Variants in MFHAS1 observed in about 807,000 individuals in gnomAD.
MFHAS1 encodes the protein malignant fibrous histiocytoma-amplified sequence 1.
MFHAS1 carries 50 observed loss-of-function variants against 70.4 expected under a neutral mutation model. That is an observed-to-expected ratio of 0.71 (90% CI 0.57 to 0.90). MFHAS1 has a LOEUF of 0.90. MFHAS1 is among the 40% of genes least tolerant of loss of function. The pLI, the probability that MFHAS1 is intolerant of heterozygous loss-of-function variation, is 0.00. For missense variants in MFHAS1, 1,795 were observed against 1,347.6 expected, an observed-to-expected ratio of 1.33 and a Z score of -5.20; for synonymous variants, 952 against 620.0, an observed-to-expected ratio of 1.54 and a Z score of -7.96.
At chr8:8,829,858 C>T (rs902152314) in intron 1 of MFHAS1, among the ~76,000 whole-genome samples, 1 of 152,170 alleles carries the variant, frequency 6.6e-6, no homozygotes. Flanking sequence ...ACAAATGGAA[C>T]AGATTGCCTC....
intron 1 of MFHAS1, among the ~76,000 whole-genome samples, chr8:8,849,403 C>T (rs1299334366): frequency 6.6e-6 from 1 of 152,090 alleles, no homozygotes; most frequent in East Asian, 1.9e-4. Context: ...ATTCTGAAAG[C>T]CTTGCAGAAA....
chr8:8,831,634 G>A (rs1437773575), intron 1 of MFHAS1, among the ~76,000 whole-genome samples: 3 of 108,890 alleles, frequency 2.8e-5, no homozygotes, highest in Non-Finnish European at 5.6e-5. Flanking sequence ...TTTTTTTTTT[G>A]AGACAGTCTC....
At chr8:8,847,586 G>T (rs1196400485) in intron 1 of MFHAS1, among the ~76,000 whole-genome samples, 3 of 152,184 alleles carry the variant, frequency 2.0e-5, no homozygotes, top group Non-Finnish European at 4.4e-5. Flanking sequence ...AAGACAGCTG[G>T]TGGTTATATA....
At chr8:8,882,324 A>C (rs139408032) in intron 1 of MFHAS1, among the ~76,000 whole-genome samples, 3 of 152,188 alleles carry the variant, frequency 2.0e-5, no homozygotes, top group African/African-American at 7.2e-5. Flanking sequence ...CAGGAGGTGG[A>C]GGTTGCAGTG....
At chr8:8,803,842 C>A (rs1806175131) in intron 1 of MFHAS1, among the ~76,000 whole-genome samples, 1 of 152,004 alleles carries the variant, frequency 6.6e-6, no homozygotes. Flanking sequence ...CATCGTGGCA[C>A]ATGCCTGTAA....
intron 1 of MFHAS1, among the ~76,000 whole-genome samples, chr8:8,889,006 C>T (rs1361104547): frequency 1.5e-5 from 2 of 135,300 alleles, no homozygotes; most frequent in Non-Finnish European, 3.1e-5. Flanking sequence ...CTTAAAACTG[C>T]TCTAAGAAAA....
At chr8:8,885,634 G>C (rs1046883729) in intron 1 of MFHAS1, among the ~76,000 whole-genome samples, 1 of 152,162 alleles carries the variant, frequency 6.6e-6, no homozygotes, top group Non-Finnish European at 1.5e-5. Context: ...AAGGAAAACA[G>C]CAAAAGGAAG....
chr8:8,866,905 C>T (rs60707155), intron 1 of MFHAS1, among the ~76,000 whole-genome samples: 51,585 of 152,042 alleles, frequency 0.34, 10,277 homozygotes, highest in East Asian at 0.63. Flanking sequence ...CATAATTAGC[C>T]TTCTTTAGAG....
chr8:8,786,503 C>G (rs1805547814), intron 2 of MFHAS1, among the ~76,000 whole-genome samples: 1 of 152,166 alleles, frequency 6.6e-6, no homozygotes, highest in Non-Finnish European at 1.5e-5. Flanking sequence ...GCCTAAAATG[C>G]ATGATTTTAC....
At position 8,893,066 on chromosome 8, in the gene MFHAS1, C is replaced by G. The variant is rs576766983; in HGVS notation, c.-8G>C. The stretch of plus-strand genomic sequence containing the variant: ...ACTGTCCATCCCAGCCATGGCGGGG[C>G]CCCGGGCCGACAGCCTCACGCGGAC... On this transcript the variant is annotated 5_prime_UTR_variant, in exon 1 of 3. Transcript: ENST00000276282. The G allele has an allele frequency of 2.7e-6, 4 of 1,476,760 alleles. No homozygotes were observed. The Admixed American group carries it at 1.0e-4, about 37-fold the overall frequency. The allele number at this position is 1,476,760 out of a possible 1,614,324, so 91.5% of individuals were successfully genotyped here.
chr8:8,793,289 A>T (rs1463521862), intron 2 of MFHAS1, among the ~76,000 whole-genome samples: 2 of 152,282 alleles, frequency 1.3e-5, no homozygotes, highest in African/African-American at 4.8e-5. Flanking sequence ...TTCATTTAAA[A>T]AAGGCCAATC....
chr8:8,809,467 C>A (rs1450156133), intron 1 of MFHAS1, among the ~76,000 whole-genome samples: 2 of 152,162 alleles, frequency 1.3e-5, no homozygotes, highest in Admixed American at 6.5e-5. Flanking sequence ...CCTCTCCTCA[C>A]TGACCCTAAA....
intron 2 of MFHAS1, 126 bp from the exon 3 acceptor site, chr8:8,786,181 G>T: frequency 1.1e-6 from 1 of 892,958 alleles, no homozygotes; most frequent in Non-Finnish European, 1.8e-6. Context: ...TCTACTTCCA[G>T]GACTCATTAT....
intron 1 of MFHAS1, among the ~76,000 whole-genome samples, chr8:8,888,235 T>C (rs918235732): frequency 2.4e-4 from 36 of 152,184 alleles, no homozygotes; most frequent in African/African-American, 8.7e-4. Flanking sequence ...TGCTTAAGAA[T>C]TAAATTCAAC....
At chr8:8,819,252 AAT>A (rs1300717140) in intron 1 of MFHAS1, among the ~76,000 whole-genome samples, 2 of 152,162 alleles carry the variant, frequency 1.3e-5, no homozygotes, top group East Asian at 1.9e-4. Context: ...TATACATGCA[AAT>A]ATATATATTA....
At chr8:8,844,290 C>A (rs1459500339) in intron 1 of MFHAS1, among the ~76,000 whole-genome samples, 1 of 152,194 alleles carries the variant, frequency 6.6e-6, no homozygotes, top group Non-Finnish European at 1.5e-5. Flanking sequence ...CTCAATATTA[C>A]TATTTCTCTT....
At chr8:8,806,700 C>T (rs1308314223) in intron 1 of MFHAS1, among the ~76,000 whole-genome samples, 2 of 152,156 alleles carry the variant, frequency 1.3e-5, no homozygotes, top group East Asian at 3.9e-4. Flanking sequence ...GTGACCCAGG[C>T]CTGTAATCCC....
intron 1 of MFHAS1, among the ~76,000 whole-genome samples, chr8:8,883,013 C>G (rs1437442202): frequency 6.6e-6 from 1 of 152,024 alleles, no homozygotes; most frequent in East Asian, 1.9e-4. Context: ...ATTAGCCAGG[C>G]ATGGTGGTGC....
In MFHAS1 at chr8:8,783,790, G is replaced by T. The variant is rs1417955457; in HGVS notation, c.*2232C>A. Reference sequence around the variant, plus strand: ...TTTCCAGGTGCTGAAAGAGAAAACGGAATTTCTTGCATAGACAGCTGAAGA... The same window carrying T: ...TTTCCAGGTGCTGAAAGAGAAAACGTAATTTCTTGCATAGACAGCTGAAGA... On this transcript the variant is annotated 3_prime_UTR_variant, in exon 3 of 3. Transcript: ENST00000276282. The T allele has an allele frequency of 6.6e-6, 1 of 152,120 alleles. No homozygotes were observed. The highest frequency in any genetic ancestry group is 1.5e-5 in the Non-Finnish European group (1 of 68,034). 9.4% of individuals were successfully genotyped at this position (152,120 alleles called of 1,614,324 possible).
Sources: gnomAD v4.1 joint callset for allele counts (sites outside exome capture counted in the v4.1 genomes callset) on GRCh38, gnomAD v4.1.1 for gene constraint, MANE v1.5 for transcripts, NCBI Gene and HGNC (gene_info 2026-07-23, HGNC 2026-07-21) for gene names.